The following EIF2B3 variants were observed in gnomAD, a reference collection of about 807,000 sequenced individuals.
The protein encoded by EIF2B3 is translation initiation factor eIF2B subunit gamma.
A neutral mutation model predicts 54.1 loss-of-function variants in EIF2B3; 20 were observed. That is an observed-to-expected ratio of 0.37 (90% confidence interval 0.26 to 0.54). EIF2B3 has a LOEUF of 0.54. EIF2B3 is among the 20% of genes least tolerant of loss of function. The probability of loss-of-function intolerance (pLI) is 0.86; values close to 1 mark genes in which losing one functional copy is unlikely to be tolerated. For synonymous variants in EIF2B3, 153 were observed against 188.1 expected (o/e 0.81, Z 1.52); for missense variants, 448 against 547.8 (o/e 0.82, Z 1.82).
chr1:44,874,665 G>A lies in EIF2B3; in HGVS notation c.1202+13C>T, dbSNP rs755882883. On this transcript the variant is annotated intron_variant, in intron 10 of 11. Transcript: ENST00000360403. ...ATTATCTTTGCCTCAAGTGGGTACA[G>A]GGGGAAACATACCCTTCCTCCACAG... 16 of 1,613,866 alleles carry A rather than the reference G, an allele frequency of 9.9e-6. No individual in the cohort carries two copies. The highest frequency in any genetic ancestry group is 3.3e-5 in the South Asian group (3 of 91,050).
intron 11 of EIF2B3, among the ~76,000 whole-genome samples, chr1:44,852,114 A>ATTTTTTTTTTT (rs765224340): frequency 2.1e-5 from 3 of 146,280 alleles, no homozygotes; most frequent in East Asian, 4.2e-4. Context: ...ACACATGGCT[A>ATTTTTTTTTTT]ATTTTTTTTT....
chr1:44,893,564 T>C (rs916301737), intron 6 of EIF2B3, among the ~76,000 whole-genome samples: 14 of 152,198 alleles, frequency 9.2e-5, no homozygotes, highest in African/African-American at 3.1e-4. Context: ...AATATGAGTA[T>C]AATACCTAAT....
intron 3 of EIF2B3, among the ~76,000 whole-genome samples, chr1:44,970,231 C>T (rs2148959732): frequency 6.6e-6 from 1 of 152,056 alleles, no homozygotes; most frequent in African/African-American, 2.4e-5. Context: ...TGGAGGTTTC[C>T]ACATATAAGT....
intron 10 of EIF2B3, among the ~76,000 whole-genome samples, chr1:44,860,638 T>G (rs1270866945): frequency 6.6e-6 from 1 of 152,170 alleles, no homozygotes; most frequent in Non-Finnish European, 1.5e-5. Flanking sequence ...TTAATCATAA[T>G]GCAATACAAA....
intron 4 of EIF2B3, among the ~76,000 whole-genome samples, chr1:44,932,612 G>A (rs890434632): frequency 1.1e-4 from 17 of 151,860 alleles, no homozygotes; most frequent in African/African-American, 4.8e-5. Flanking sequence ...GAAGAACTTC[G>A]GAAACAAAAA....
At chr1:44,862,222 G>A (rs990499147) in intron 10 of EIF2B3, among the ~76,000 whole-genome samples, 1 of 152,176 alleles carries the variant, frequency 6.6e-6, no homozygotes, top group African/African-American at 2.4e-5. Flanking sequence ...GAAGCACTCC[G>A]CTGTGCTAAT....
chr1:44,936,241 C>T (rs922573796), intron 4 of EIF2B3, among the ~76,000 whole-genome samples: 10 of 151,866 alleles, frequency 6.6e-5, no homozygotes, highest in Admixed American at 2.0e-4. Flanking sequence ...AAAGTTGGTA[C>T]ATTCTAGAAA....
intron 11 of EIF2B3, among the ~76,000 whole-genome samples, chr1:44,857,319 C>T (rs928890771): frequency 6.6e-5 from 10 of 152,126 alleles, no homozygotes; most frequent in Admixed American, 3.9e-4. Context: ...CTCCTGAGGT[C>T]GGGAGTTCGC....
At chr1:44,859,154 A>G (rs1169565086) in intron 10 of EIF2B3, among the ~76,000 whole-genome samples, 2 of 152,182 alleles carry the variant, frequency 1.3e-5, no homozygotes, top group Non-Finnish European at 2.9e-5. Context: ...TAAAAAAGCT[A>G]GCTGTGCATG....
At chr1:44,864,478 C>T (rs1433190703) in intron 10 of EIF2B3, among the ~76,000 whole-genome samples, 1 of 152,166 alleles carries the variant, frequency 6.6e-6, no homozygotes, top group African/African-American at 2.4e-5. Flanking sequence ...GGGAGGATAG[C>T]TTGAACCCAG....
In EIF2B3 at chr1:44,942,121, A is replaced by G. The variant is rs188277304; in HGVS notation, c.295-456T>C. On this transcript the variant is annotated intron_variant, in intron 3 of 11. Coordinates refer to ENST00000360403, the MANE Select transcript of EIF2B3 (RefSeq NM_020365.5). ...AGAATACAATGCTTCATTCTTAGGA[A>G]CTTAACATTCTATAGTAAATAATTA... Among the ~76,000 whole-genome samples, 34 of 151,954 alleles carry G rather than the reference A, an allele frequency of 2.2e-4. No homozygotes were observed. In the East Asian group the frequency reaches 4.3e-3, roughly 19 times the overall value.
chr1:44,909,087 G>C (rs2148921180), intron 5 of EIF2B3, among the ~76,000 whole-genome samples: 1 of 152,208 alleles, frequency 6.6e-6, no homozygotes, highest in South Asian at 2.1e-4. Context: ...TAAAGACTTT[G>C]GACTTGGAGA....
At chr1:44,983,459 AG>A (rs1358847425) in intron 1 of EIF2B3, among the ~76,000 whole-genome samples, 3 of 152,248 alleles carry the variant, frequency 2.0e-5, no homozygotes, top group Non-Finnish European at 4.4e-5. Flanking sequence ...CACAATGTAA[AG>A]ATATGGTCAT....
intron 8 of EIF2B3, 67 bp from the exon 9 acceptor site, chr1:44,875,762 CCTCT>C (rs1308033502): frequency 2.2e-5 from 28 of 1,255,068 alleles, no homozygotes; most frequent in Non-Finnish European, 3.0e-5. Flanking sequence ...TCTCCCTCTC[CCTCT>C]ACCTCTCCCA....
intron 11 of EIF2B3, among the ~76,000 whole-genome samples, chr1:44,854,248 T>A (rs1261506248): frequency 6.6e-6 from 1 of 151,982 alleles, no homozygotes; most frequent in Non-Finnish European, 1.5e-5. Flanking sequence ...AGTGATCCAC[T>A]CGCCTTGGTC....
At chr1:44,948,047 T>C (rs916218082) in intron 3 of EIF2B3, among the ~76,000 whole-genome samples, 6 of 152,128 alleles carry the variant, frequency 3.9e-5, no homozygotes, top group South Asian at 4.1e-4. Context: ...CTAACTGCAA[T>C]GGAGACCTCA....
intron 11 of EIF2B3, among the ~76,000 whole-genome samples, chr1:44,856,260 A>G (rs553966099): frequency 6.6e-6 from 1 of 152,212 alleles, no homozygotes; most frequent in African/African-American, 2.4e-5. Flanking sequence ...CATACCTGTA[A>G]TCTCAGCACT....
intron 6 of EIF2B3, among the ~76,000 whole-genome samples, chr1:44,882,930 T>TTC (rs1457289111): frequency 8.4e-6 from 1 of 119,450 alleles, no homozygotes; most frequent in Non-Finnish European, 1.6e-5. Flanking sequence ...TTCTTTTTCT[T>TTC]TTTTTTTTTT....
chr1:44,870,875 A>C (rs1207494017), intron 10 of EIF2B3, among the ~76,000 whole-genome samples: 2 of 151,590 alleles, frequency 1.3e-5, no homozygotes, highest in Non-Finnish European at 2.9e-5. Context: ...CTGGTCTCGA[A>C]CTCCTGGGCT....
Sources: gnomAD v4.1 joint callset for allele counts (sites outside exome capture counted in the v4.1 genomes callset) on GRCh38, gnomAD v4.1.1 for gene constraint, MANE v1.5 for transcripts, NCBI Gene and HGNC (gene_info 2026-07-23, HGNC 2026-07-21) for gene names.